Variants in FANCB observed in about 807,000 individuals in gnomAD.
FANCB encodes FA complementation group B.
In FANCB, 5 loss-of-function variants were observed where a neutral mutation model predicts 38.9. The observed-to-expected ratio is 0.13, with a 90% CI of 0.07 to 0.27. The LOEUF is 0.27. Among genes scored for constraint, FANCB ranks in the 10% least tolerant of loss-of-function variants. FANCB has a pLI of 1.00. For synonymous variants in FANCB, 236 were observed against 215.4 expected, an observed-to-expected ratio of 1.10 and a Z score of -0.84; for missense variants, 573 against 602.7, an observed-to-expected ratio of 0.95 and a Z score of 0.52.
chrX:14,841,970 T>A (rs953897696), downstream of FANCB, among the ~76,000 whole-genome samples: 3 of 111,904 alleles, frequency 2.7e-5, no homozygotes, highest in Admixed American at 1.9e-4. Context: ...GTTTAGTTTT[T>A]TTTTTCCTAA....
the FANCB span, among the ~76,000 whole-genome samples, chrX:14,792,224 T>C: frequency 8.9e-6 from 1 of 111,954 alleles, no homozygotes; most frequent in Admixed American, 9.5e-5. Flanking sequence ...TGTCATTTTG[T>C]ACTTTCCTTC....
At chrX:14,699,237 C>G in the FANCB span, among the ~76,000 whole-genome samples, 1 of 111,947 alleles carries the variant, frequency 8.9e-6, no homozygotes, top group African/African-American at 3.3e-5. Context: ...GCAGCCTCAC[C>G]TGCATTTATC....
At chrX:14,738,814 G>A in the FANCB span, among the ~76,000 whole-genome samples, 3 of 111,804 alleles carry the variant, frequency 2.7e-5, no homozygotes, top group Non-Finnish European at 5.6e-5. Flanking sequence ...CCTCATCTAT[G>A]CCACTGAACA....
the FANCB span, among the ~76,000 whole-genome samples, chrX:14,753,304 C>T: frequency 9.0e-6 from 1 of 111,521 alleles, no homozygotes; most frequent in Non-Finnish European, 1.9e-5. Context: ...CTTTACTCTC[C>T]TCCAATATGG....
chrX:14,717,765 G>T, the FANCB span, among the ~76,000 whole-genome samples: 2 of 108,427 alleles, frequency 1.8e-5, no homozygotes, highest in East Asian at 2.9e-4. Context: ...AAACCCATCG[G>T]TCAATAAACA....
At chrX:14,780,310 A>AAT in the FANCB span, among the ~76,000 whole-genome samples, 3 of 111,016 alleles carry the variant, frequency 2.7e-5, no homozygotes, top group Non-Finnish European at 3.8e-5. Flanking sequence ...TTTAAAAGGA[A>AAT]ATATTAAAGT....
the FANCB span, among the ~76,000 whole-genome samples, chrX:14,729,773 C>T: frequency 9.0e-6 from 1 of 110,748 alleles, no homozygotes; most frequent in African/African-American, 3.3e-5. Context: ...TTCCTTAGGG[C>T]CAGGCACACA....
the FANCB span, among the ~76,000 whole-genome samples, chrX:14,758,010 T>C: frequency 1.2e-4 from 13 of 111,706 alleles, no homozygotes; most frequent in East Asian, 2.0e-3. Context: ...CTAGGTGCTG[T>C]TGGGGAGGCA....
At chrX:14,728,805 C>A in the FANCB span, among the ~76,000 whole-genome samples, 168 of 112,627 alleles carry the variant, frequency 1.5e-3, no homozygotes, top group African/African-American at 5.2e-3. Flanking sequence ...AGAAGCAAAT[C>A]TGTTCTGCCT....
At chrX:14,700,464 GAGA>G in the FANCB span, among the ~76,000 whole-genome samples, 1 of 111,387 alleles carries the variant, frequency 9.0e-6, no homozygotes, top group Non-Finnish European at 1.9e-5. Context: ...GAGAGAGACA[GAGA>G]AGGTCAGACG....
downstream of FANCB, among the ~76,000 whole-genome samples, chrX:14,831,919 C>CA (rs917351625): frequency 2.7e-5 from 3 of 110,263 alleles, no homozygotes; most frequent in African/African-American, 6.6e-5. Flanking sequence ...GAGGAAAACT[C>CA]AAAAAAAATT....
At chrX:14,810,204 C>A in the FANCB span, among the ~76,000 whole-genome samples, 1 of 111,551 alleles carries the variant, frequency 9.0e-6, no homozygotes, top group South Asian at 3.7e-4. Context: ...GATAAAACCA[C>A]AAAGATGGGG....
chrX:14,702,997 A>G, the FANCB span, among the ~76,000 whole-genome samples: 1 of 111,643 alleles, frequency 9.0e-6, no homozygotes, highest in Non-Finnish European at 1.9e-5. Context: ...CCTCTGGGTC[A>G]GAGAGCTTCA....
the FANCB span, among the ~76,000 whole-genome samples, chrX:14,757,853 G>A: frequency 2.9e-4 from 32 of 111,558 alleles, no homozygotes; most frequent in African/African-American, 9.8e-4. Context: ...AGGGCAAATC[G>A]GGAGTGCAGA....
intron 9 of FANCB, 63 bp from the exon 10 acceptor site, chrX:14,844,044 A>G: frequency 2.2e-6 from 2 of 906,861 alleles, no homozygotes; most frequent in Non-Finnish European, 1.6e-6. Flanking sequence ...GTCATGTACA[A>G]TATACTGCAG....
At chrX:14,773,862 T>C in the FANCB span, among the ~76,000 whole-genome samples, 1 of 110,989 alleles carries the variant, frequency 9.0e-6, no homozygotes, top group Non-Finnish European at 1.9e-5. Flanking sequence ...CCCATTGAGG[T>C]TCGCTCTCAA....
At chrX:14,839,312 C>T (rs934984423), downstream of FANCB, among the ~76,000 whole-genome samples, 1 of 108,863 alleles carries the variant, frequency 9.2e-6, no homozygotes, top group African/African-American at 3.4e-5. Context: ...ACAACAACAA[C>T]AACAACAAAA....
the FANCB span, among the ~76,000 whole-genome samples, chrX:14,818,524 G>A: frequency 1.8e-5 from 2 of 110,195 alleles, no homozygotes; most frequent in African/African-American, 3.3e-5. Context: ...GATTGGGGGG[G>A]ATGTTATAGA....
chrX:14,873,026 C>T lies in FANCB; in HGVS notation c.-232G>A, dbSNP rs756766337. On this transcript the variant is annotated 5_prime_UTR_variant, in exon 1 of 10. Transcript: ENST00000650831. Reference sequence around the variant, plus strand: ...ACATACCGGAGGCCCCACGTCGATACGGTATCCATCTGCTCCAAACCTCCC... The same window carrying T: ...ACATACCGGAGGCCCCACGTCGATATGGTATCCATCTGCTCCAAACCTCCC... The T allele has an allele frequency of 1.8e-4, 24 of 131,638 alleles. No homozygotes were observed. In the South Asian group the frequency reaches 4.2e-3, roughly 23 times the overall value. 10.8% of individuals were successfully genotyped at this position (131,638 alleles called of 1,213,427 possible).
Sources: gnomAD v4.1 joint callset for allele counts (sites outside exome capture counted in the v4.1 genomes callset) on GRCh38, gnomAD v4.1.1 for gene constraint, MANE v1.5 for transcripts, NCBI Gene and HGNC (gene_info 2026-07-23, HGNC 2026-07-21) for gene names.